Variants in FGF14 observed in about 807,000 individuals in gnomAD.
FGF14 encodes fibroblast growth factor 14, also known as fibroblast growth factor homologous factor 4.
FGF14 carries 5 observed loss-of-function variants against 25.5 expected under a neutral mutation model. That is an observed-to-expected ratio of 0.20 (90% CI 0.10 to 0.41). The LOEUF is 0.41. Among genes scored for constraint, FGF14 ranks in the 10% least tolerant of loss-of-function variants. The probability of loss-of-function intolerance (pLI) is 1.00; values close to 1 mark genes in which losing one functional copy is unlikely to be tolerated. For missense variants in FGF14, 222 were observed against 320.1 expected (o/e 0.69, Z 2.34); for synonymous variants, 138 against 118.3 (o/e 1.17, Z -1.08).
At chr13:102,370,259 G>A (rs1442153774) in intron 1 of FGF14, among the ~76,000 whole-genome samples, 1 of 152,046 alleles carries the variant, frequency 6.6e-6, no homozygotes, top group Non-Finnish European at 1.5e-5. Context: ...CCAAAGTGCT[G>A]GGATTACAAT....
chr13:102,242,579 C>A (rs866374683), intron 1 of FGF14, among the ~76,000 whole-genome samples: 5 of 152,076 alleles, frequency 3.3e-5, no homozygotes, highest in Admixed American at 2.0e-4. Context: ...TATGAGCCCA[C>A]TCTCATGATA....
chr13:101,835,255 T>C (rs965910281), intron 3 of FGF14, among the ~76,000 whole-genome samples: 1 of 150,642 alleles, frequency 6.6e-6, no homozygotes, highest in Non-Finnish European at 1.5e-5. Context: ...GAGACTGAAA[T>C]AGAGAGAGAG....
chr13:102,050,816 G>A (rs552801736), intron 1 of FGF14, among the ~76,000 whole-genome samples: 2 of 152,300 alleles, frequency 1.3e-5, no homozygotes, highest in African/African-American at 4.8e-5. Context: ...AGGATCACTG[G>A]TGGGATCAGC....
rs2034730659 is a variant in FGF14, at chr13:101,716,567, A to C, written c.*6264T>G. 1 of 152,150 alleles carries C rather than the reference A, an allele frequency of 6.6e-6. No individual in the cohort carries two copies. The highest frequency in any genetic ancestry group is 1.5e-5 in the Non-Finnish European group (1 of 68,028). The allele number at this position is 152,150 out of a possible 1,614,324, so 9.4% of individuals were successfully genotyped here. ...AAAACTGGGCAGGGGTTATGCGTACAAGAAATCTGATTTTTTATTTTAATT... is the reference window on the plus strand; with the variant it reads ...AAAACTGGGCAGGGGTTATGCGTACCAGAAATCTGATTTTTTATTTTAATT... On this transcript the variant is annotated 3_prime_UTR_variant, in exon 5 of 5. Coordinates refer to ENST00000376143, the MANE Select transcript of FGF14 (RefSeq NM_004115.4).
At chr13:101,958,610 G>A (rs186973489) in intron 1 of FGF14, among the ~76,000 whole-genome samples, 3 of 152,214 alleles carry the variant, frequency 2.0e-5, no homozygotes, top group African/African-American at 7.2e-5. Context: ...ACAAGTCTTC[G>A]ACTCTGACTA....
chr13:102,268,828 AGACT>A (rs1180150161), intron 1 of FGF14, among the ~76,000 whole-genome samples: 2 of 152,200 alleles, frequency 1.3e-5, no homozygotes, highest in African/African-American at 2.4e-5. Flanking sequence ...TTCCATCAAA[AGACT>A]GACTAATCTT....
At chr13:102,113,265 G>T (rs1455581604) in intron 1 of FGF14, among the ~76,000 whole-genome samples, 1 of 152,162 alleles carries the variant, frequency 6.6e-6, no homozygotes, top group Admixed American at 6.5e-5. Flanking sequence ...CTTCCTGATT[G>T]ATTTGGATTC....
At chr13:101,847,011 T>C (rs2140340628) in intron 3 of FGF14, among the ~76,000 whole-genome samples, 1 of 152,140 alleles carries the variant, frequency 6.6e-6, no homozygotes, top group South Asian at 2.1e-4. Context: ...TTTCTAACCC[T>C]CAGATTTTTC....
intron 1 of FGF14, among the ~76,000 whole-genome samples, chr13:102,154,681 G>A (rs942066765): frequency 1.6e-4 from 25 of 152,198 alleles, no homozygotes; most frequent in African/African-American, 2.4e-5. Flanking sequence ...AACCTTAAAC[G>A]TAAATGGGCT....
chr13:101,787,492 C>A (rs1171558516), intron 3 of FGF14, among the ~76,000 whole-genome samples: 3 of 152,120 alleles, frequency 2.0e-5, no homozygotes, highest in African/African-American at 7.2e-5. Context: ...ATCTGTTTTT[C>A]CACTGAGTTA....
chr13:102,311,039 T>TAC (rs377345204), intron 1 of FGF14, among the ~76,000 whole-genome samples: 81 of 150,486 alleles, frequency 5.4e-4, no homozygotes, highest in Middle Eastern at 6.8e-3. Context: ...TACACACACA[T>TAC]ACACACACAC....
At chr13:102,172,205 A>G (rs1235484007) in intron 1 of FGF14, among the ~76,000 whole-genome samples, 9 of 152,082 alleles carry the variant, frequency 5.9e-5, no homozygotes, top group Non-Finnish European at 1.0e-4. Flanking sequence ...CTCAGGGAGA[A>G]GAAAGTAAAC....
intron 1 of FGF14, among the ~76,000 whole-genome samples, chr13:102,345,869 C>G (rs1250699176): frequency 6.6e-6 from 1 of 152,108 alleles, no homozygotes; most frequent in Non-Finnish European, 1.5e-5. Context: ...AGGAGCAGAC[C>G]AATCAGTTGG....
At chr13:101,968,872 T>TTA (rs397950017) in intron 1 of FGF14, among the ~76,000 whole-genome samples, 37 of 150,612 alleles carry the variant, frequency 2.5e-4, no homozygotes, top group South Asian at 1.0e-3. Flanking sequence ...TTTTTTTTTT[T>TTA]AAATCTGGGC....
chr13:102,321,785 G>A (rs886128093), intron 1 of FGF14, among the ~76,000 whole-genome samples: 2 of 152,150 alleles, frequency 1.3e-5, no homozygotes, highest in Non-Finnish European at 2.9e-5. Flanking sequence ...ATTCTCAGTA[G>A]TTTGGATTCC....
chr13:102,105,103 A>G (rs2044845401), intron 1 of FGF14, among the ~76,000 whole-genome samples: 1 of 152,186 alleles, frequency 6.6e-6, no homozygotes, highest in Admixed American at 6.5e-5. Context: ...CACTATTGTG[A>G]TGGAGAGGAC....
intron 1 of FGF14, among the ~76,000 whole-genome samples, chr13:102,195,680 C>T (rs994838560): frequency 1.5e-4 from 23 of 151,030 alleles, no homozygotes; most frequent in African/African-American, 5.6e-4. Context: ...AGCATGGTGG[C>T]CAATTGGAGG....
rs1484124018 is a variant in FGF14 at position 101,713,591 on chromosome 13, T to C, written c.*9240A>G. 1.3e-5 allele frequency: 2 copies of C among 152,188 alleles called. No individual in the cohort carries two copies. Among genetic ancestry groups the C allele is most frequent in the African/African-American group, 2.4e-5 (1 of 41,462 alleles). 9.4% of individuals were successfully genotyped at this position (152,188 alleles called of 1,614,324 possible). A position where few individuals can be genotyped will look rare whatever the true frequency, so the allele number is the denominator to read the frequency against. The stretch of plus-strand genomic sequence containing the variant: ...TGCTGTCGTTGAGGCAGTTTTTCCA[T>C]GTAAGGGTTTTTAGTCTGTCATGGA... On this transcript the variant is annotated 3_prime_UTR_variant, in exon 5 of 5. Coordinates refer to ENST00000376143, the MANE Select transcript of FGF14 (RefSeq NM_004115.4).
At chr13:101,800,836 A>G (rs1228970229) in intron 3 of FGF14, among the ~76,000 whole-genome samples, 1 of 152,188 alleles carries the variant, frequency 6.6e-6, no homozygotes, top group Non-Finnish European at 1.5e-5. Flanking sequence ...TACTTTAAAA[A>G]GTGTGCAGCT....
Sources: gnomAD v4.1 joint callset for allele counts (sites outside exome capture counted in the v4.1 genomes callset) on GRCh38, gnomAD v4.1.1 for gene constraint, MANE v1.5 for transcripts, NCBI Gene and HGNC (gene_info 2026-07-23, HGNC 2026-07-21) for gene names.